The following RAB13 variants were observed in gnomAD, a reference collection of about 807,000 sequenced individuals.
RAB13 encodes the protein RAB13, member RAS oncogene family.
A neutral mutation model predicts 29.3 loss-of-function variants in RAB13; 15 were observed. The ratio of observed to expected loss-of-function variants is 0.51; its 90% CI spans 0.34 to 0.79. The LOEUF is 0.79. Among genes scored for constraint, RAB13 ranks in the 30% least tolerant of loss-of-function variants. The pLI, the probability that RAB13 is intolerant of heterozygous loss-of-function variation, is 0.01. For missense variants in RAB13, 186 were observed against 255.5 expected (o/e 0.73, Z 1.85); for synonymous variants, 82 against 93.8 (o/e 0.87, Z 0.73).
upstream of RAB13, among the ~76,000 whole-genome samples, chr1:153,987,935 G>A (rs1047250325): frequency 4.0e-5 from 6 of 151,742 alleles, no homozygotes; most frequent in African/African-American, 9.7e-5. Flanking sequence ...CTCCAGCCTC[G>A]GTGATAGAGT....
upstream of RAB13, among the ~76,000 whole-genome samples, chr1:153,988,685 C>A (rs538107091): frequency 5.1e-4 from 76 of 149,542 alleles, 3 homozygotes; most frequent in African/African-American, 1.7e-3. Flanking sequence ...GTGATCTGGG[C>A]TAACCGCAGC....
upstream of RAB13, chr1:153,986,423 T>C (rs532885644): frequency 8.2e-4 from 480 of 587,902 alleles, 2 homozygotes; most frequent in East Asian, 0.014. Flanking sequence ...CGCCCACCCT[T>C]TTGAGCAGGC....
chr1:153,983,182 C>G, intron 4 of RAB13, 37 bp downstream of exon 4: 3 of 1,560,930 alleles, frequency 1.9e-6, no homozygotes, highest in Non-Finnish European at 2.7e-6. Context: ...TCTCCAGGTT[C>G]TAACCAGTTT....
At chr1:153,988,573 A>G (rs147303856), upstream of RAB13, among the ~76,000 whole-genome samples, 502 of 148,080 alleles carry the variant, frequency 3.4e-3, 7 homozygotes, top group African/African-American at 0.01. Context: ...TTACAGGCGT[A>G]AGCCACCGCG....
chr1:153,987,964 A>C (rs1179067496), upstream of RAB13, among the ~76,000 whole-genome samples: 1 of 151,292 alleles, frequency 6.6e-6, no homozygotes, highest in Non-Finnish European at 1.5e-5. Flanking sequence ...GTTTCAAAAA[A>C]ATTTTTTATT....
chr1:153,982,612 G>A lies in RAB13; in HGVS notation c.415-12C>T, dbSNP rs1465106974. The A allele has an allele frequency of 1.2e-6, 2 of 1,613,064 alleles. No homozygotes were observed. The highest frequency in any genetic ancestry group is 2.2e-5 in the South Asian group (2 of 91,058). On this transcript the variant is annotated splice_polypyrimidine_tract_variant and intron_variant, in intron 5 of 7. Transcript: ENST00000368575. ...TGCTCTCGAGCCAACTATAAGGGGT[G>A]AAGTGGGAAGAGAATTGAATTAAGG...
At chr1:153,987,033 G>A (rs1374708986), upstream of RAB13, among the ~76,000 whole-genome samples, 1 of 152,156 alleles carries the variant, frequency 6.6e-6, no homozygotes, top group Non-Finnish European at 1.5e-5. Context: ...GGGGACCCAT[G>A]TGTGATTTCT....
intron 2 of RAB13, 46 bp downstream of exon 2, chr1:153,984,675 A>G: frequency 6.7e-7 from 1 of 1,503,522 alleles, no homozygotes; most frequent in African/African-American, 1.4e-5. Context: ...AACGTGTAGG[A>G]GGTAAATGGG....
At chr1:153,984,632 A>G in intron 2 of RAB13, 89 bp downstream of exon 2, 1 of 1,201,412 alleles carries the variant, frequency 8.3e-7, no homozygotes, top group Non-Finnish European at 1.2e-6. Context: ...AGCAATGGGG[A>G]AAGGAAGAGA....
At chr1:153,989,736 T>C (rs535914443), upstream of RAB13, among the ~76,000 whole-genome samples, 70 of 151,484 alleles carry the variant, frequency 4.6e-4, no homozygotes, top group Middle Eastern at 0.014. Context: ...CTACTAAAAA[T>C]ACAAAATTAG....
At chr1:153,988,567 A>T (rs1649255064), upstream of RAB13, among the ~76,000 whole-genome samples, 2 of 149,580 alleles carry the variant, frequency 1.3e-5, no homozygotes, top group South Asian at 4.2e-4. Flanking sequence ...CTGGGTTTAC[A>T]GGCGTAAGCC....
chr1:153,983,466 A>G, intron 3 of RAB13, 55 bp downstream of exon 3: 2 of 1,547,550 alleles, frequency 1.3e-6, no homozygotes, highest in Non-Finnish European at 1.8e-6. Context: ...CTTTGTATTC[A>G]TAATATATTC....
upstream of RAB13, among the ~76,000 whole-genome samples, chr1:153,988,053 C>G (rs1046511137): frequency 6.6e-6 from 1 of 151,824 alleles, no homozygotes; most frequent in Non-Finnish European, 1.5e-5. Context: ...GGCGCAATCT[C>G]GGCTCACTGC....
upstream of RAB13, among the ~76,000 whole-genome samples, chr1:153,987,515 C>CA (rs775480072): frequency 0.029 from 2,761 of 96,872 alleles, 140 homozygotes; most frequent in African/African-American, 0.092. Flanking sequence ...GACTCCGTCT[C>CA]AAAAAAAAAA....
At position 153,982,440 on chromosome 1, in the gene RAB13, A is replaced by T. The variant is rs777438879; in HGVS notation, c.485T>A (p.Phe162Tyr). 1.2e-6 allele frequency: 2 copies of T among 1,613,882 alleles called. No homozygotes were observed. The highest frequency in any genetic ancestry group is 3.3e-5 in the Admixed American group (2 of 60,014). ...AKSSMNVDEA[F>Y]SSLARDILLK... ...CAAGATGTCCCGGGCCAGGGAACTA[A>T]AAGCCTAAAGTGGGGAACAGAGTCA... The change falls in exon 7 of 8, where the codon TTT becomes TAT. Residue 162 changes from phenylalanine to tyrosine, a missense_variant. By Grantham distance (22) the Phe-to-Tyr change is conservative. Coordinates refer to ENST00000368575, the MANE Select transcript of RAB13 (RefSeq NM_002870.5).
chr1:153,982,425 C>T lies in RAB13; in HGVS notation c.500G>A (p.Arg167Gln), dbSNP rs371012129. The change falls in exon 7 of 8, where the codon CGG becomes CAG. Residue 167 changes from arginine to glutamine, a missense_variant. Physicochemically the swap from Arg to Gln is conservative, Grantham distance 43. Transcript: ENST00000368575. ...GCCTCCTGACTTGAGCAAGATGTCC[C>T]GGGCCAGGGAACTAAAAGCCTAAAG... The part of the protein sequence containing the change: ...NVDEAFSSLA[R>Q]DILLKSGGRR... 17 of 1,613,872 alleles carry T rather than the reference C, an allele frequency of 1.1e-5. No homozygotes were observed. The highest frequency in any genetic ancestry group is 4.5e-5 in the East Asian group (2 of 44,882).
At chr1:153,989,891 T>C (rs1649302259), upstream of RAB13, among the ~76,000 whole-genome samples, 1 of 147,106 alleles carries the variant, frequency 6.8e-6, no homozygotes, top group Non-Finnish European at 1.5e-5. Flanking sequence ...AAACTGTGTC[T>C]AAAAAAAAAA....
upstream of RAB13, among the ~76,000 whole-genome samples, chr1:153,988,670 A>G (rs1351620529): frequency 2.7e-5 from 4 of 148,460 alleles, no homozygotes; most frequent in East Asian, 5.8e-4. Context: ...CTGGGGTGCA[A>G]TGGTGTGATC....
upstream of RAB13, among the ~76,000 whole-genome samples, chr1:153,987,232 C>T (rs928972281): frequency 1.3e-5 from 2 of 152,130 alleles, no homozygotes; most frequent in Non-Finnish European, 2.9e-5. Context: ...GTTTGCCGGG[C>T]GCGGTGGCTC....
Sources: gnomAD v4.1 joint callset for allele counts (sites outside exome capture counted in the v4.1 genomes callset) on GRCh38, gnomAD v4.1.1 for gene constraint, MANE v1.5 for transcripts, NCBI Gene and HGNC (gene_info 2026-07-23, HGNC 2026-07-21) for gene names.